Variants in CSMD1 observed in about 807,000 individuals in gnomAD.
CSMD1 encodes the protein CUB and sushi domain-containing protein 1.
In CSMD1, 213 loss-of-function variants were observed where a neutral mutation model predicts 417.5. The ratio of observed to expected loss-of-function variants is 0.51; its 90% CI spans 0.46 to 0.57. The LOEUF (loss-of-function observed/expected upper bound fraction) is 0.57. CSMD1 is among the 20% of genes least tolerant of loss of function. CSMD1 has a pLI of 0.00. For synonymous variants in CSMD1, 2,862 were observed against 1,736.8 expected (o/e 1.65, Z -16.11); for missense variants, 6,923 against 4,529.7 (o/e 1.53, Z -15.17).
At chr8:3,594,400 G>A (rs1056098032) in intron 8 of CSMD1, among the ~76,000 whole-genome samples, 22 of 151,950 alleles carry the variant, frequency 1.4e-4, no homozygotes, top group African/African-American at 5.3e-4. Context: ...CTTGAAAGAT[G>A]CATAGAATGT....
intron 2 of CSMD1, among the ~76,000 whole-genome samples, chr8:4,521,937 G>A (rs1163255185): frequency 1.3e-5 from 2 of 152,130 alleles, no homozygotes; most frequent in Non-Finnish European, 2.9e-5. Flanking sequence ...CATTTTAAGG[G>A]ATCATTATGA....
intron 11 of CSMD1, among the ~76,000 whole-genome samples, chr8:3,480,407 G>C (rs1440814566): frequency 3.9e-5 from 6 of 152,024 alleles, no homozygotes; most frequent in Non-Finnish European, 5.9e-5. Flanking sequence ...AAGCTTCAGA[G>C]GCCTGTGGGA....
chr8:4,340,538 C>G (rs1372191048), intron 3 of CSMD1, among the ~76,000 whole-genome samples: 1 of 152,002 alleles, frequency 6.6e-6, no homozygotes, highest in Non-Finnish European at 1.5e-5. Flanking sequence ...TCAGATGAAT[C>G]AAAGCAGGAT....
chr8:3,993,262 G>C (rs980065671), intron 5 of CSMD1, among the ~76,000 whole-genome samples: 2 of 152,098 alleles, frequency 1.3e-5, no homozygotes, highest in African/African-American at 2.4e-5. Flanking sequence ...AACATGAGGA[G>C]GGAGAACATG....
intron 5 of CSMD1, among the ~76,000 whole-genome samples, chr8:3,965,398 T>G (rs1812612804): frequency 6.6e-6 from 1 of 152,290 alleles, no homozygotes; most frequent in Admixed American, 6.5e-5. Flanking sequence ...ATACATTGCC[T>G]TAGAGACATG....
chr8:4,719,776 A>G (rs573410196), intron 1 of CSMD1, among the ~76,000 whole-genome samples: 1 of 152,178 alleles, frequency 6.6e-6, no homozygotes, highest in South Asian at 2.1e-4. Context: ...AGTACAAATT[A>G]TTATTTCCCT....
intron 5 of CSMD1, among the ~76,000 whole-genome samples, chr8:3,847,639 G>C (rs2954211): frequency 6.6e-6 from 1 of 151,950 alleles, no homozygotes; most frequent in Admixed American, 6.6e-5. Flanking sequence ...GAGAAAACAC[G>C]GATGCACTGC....
intron 1 of CSMD1, among the ~76,000 whole-genome samples, chr8:4,828,385 A>G (rs1799953798): frequency 6.6e-6 from 1 of 152,166 alleles, no homozygotes. Context: ...GACCACAATG[A>G]CTTTGCTGTA....
At chr8:4,115,935 T>C (rs1236462565) in intron 3 of CSMD1, among the ~76,000 whole-genome samples, 1 of 151,962 alleles carries the variant, frequency 6.6e-6, no homozygotes, top group African/African-American at 2.4e-5. Flanking sequence ...CAGGGAGAAG[T>C]AAACACCAAG....
intron 23 of CSMD1, among the ~76,000 whole-genome samples, chr8:3,315,784 A>ACTAT (rs1399487944): frequency 6.6e-6 from 1 of 152,192 alleles, no homozygotes; most frequent in African/African-American, 2.4e-5. Context: ...ATTTTTTGGA[A>ACTAT]CTGTCTTATT....
At chr8:4,035,198 G>A (rs745504841) in intron 3 of CSMD1, among the ~76,000 whole-genome samples, 2 of 152,070 alleles carry the variant, frequency 1.3e-5, no homozygotes, top group Non-Finnish European at 2.9e-5. Context: ...TGAGGTCGTA[G>A]TGCCAGCTAT....
intron 11 of CSMD1, among the ~76,000 whole-genome samples, chr8:3,470,078 CTT>C (rs940880149): frequency 6.6e-5 from 10 of 152,190 alleles, no homozygotes; most frequent in Non-Finnish European, 7.4e-5. Flanking sequence ...CAGATCAACA[CTT>C]AGACAATTAC....
intron 1 of CSMD1, among the ~76,000 whole-genome samples, chr8:4,864,897 A>ACACACACAC (rs1554505482): frequency 4.0e-5 from 2 of 50,402 alleles, no homozygotes; most frequent in Admixed American, 4.4e-4. Flanking sequence ...CACACACACA[A>ACACACACAC]ACACACACAC....
chr8:3,773,421 G>T (rs1004178536), intron 5 of CSMD1, among the ~76,000 whole-genome samples: 1 of 152,020 alleles, frequency 6.6e-6, no homozygotes, highest in Admixed American at 6.6e-5. Flanking sequence ...AGAGTAGCTG[G>T]GACGACAGTC....
At chr8:3,793,437 G>A (rs994741189) in intron 5 of CSMD1, among the ~76,000 whole-genome samples, 1 of 151,912 alleles carries the variant, frequency 6.6e-6, no homozygotes, top group African/African-American at 2.4e-5. Flanking sequence ...GTCTCTGCAA[G>A]AACTCCCCTT....
At chr8:3,720,087 C>T (rs909251469) in intron 6 of CSMD1, among the ~76,000 whole-genome samples, 2 of 152,176 alleles carry the variant, frequency 1.3e-5, no homozygotes, top group East Asian at 1.9e-4. Context: ...GAAGAACTTT[C>T]CAAGTCTTTG....
intron 3 of CSMD1, among the ~76,000 whole-genome samples, chr8:4,259,269 C>G (rs935390220): frequency 2.6e-5 from 4 of 152,144 alleles, no homozygotes; most frequent in Non-Finnish European, 4.4e-5. Flanking sequence ...AAGCAACCCC[C>G]CTCCCTGGCT....
chr8:2,977,869 A>G (rs1805068431), intron 55 of CSMD1, among the ~76,000 whole-genome samples: 1 of 152,192 alleles, frequency 6.6e-6, no homozygotes, highest in Non-Finnish European at 1.5e-5. Context: ...TCAAAACTAC[A>G]ATGAGATACC....
chr8:3,882,541 A>G (rs1454533919), intron 5 of CSMD1, among the ~76,000 whole-genome samples: 2 of 152,188 alleles, frequency 1.3e-5, no homozygotes, highest in Non-Finnish European at 2.9e-5. Context: ...TGAGTGGACG[A>G]TCGCATCCTT....
Sources: gnomAD v4.1 joint callset for allele counts (sites outside exome capture counted in the v4.1 genomes callset) on GRCh38, gnomAD v4.1.1 for gene constraint, MANE v1.5 for transcripts, NCBI Gene and HGNC (gene_info 2026-07-23, HGNC 2026-07-21) for gene names.